PTPRN2: variants seen among roughly 807,000 people sequenced by gnomAD.
PTPRN2 encodes protein tyrosine phosphatase receptor type N2.
In PTPRN2, 74 loss-of-function variants were observed where a neutral mutation model predicts 118.8. The ratio of observed to expected loss-of-function variants is 0.62; its 90% confidence interval spans 0.52 to 0.76. The LOEUF (loss-of-function observed/expected upper bound fraction) is 0.76, where lower values mean the gene tolerates loss of function less well. Ranked by LOEUF, PTPRN2 falls within the 30% of genes least tolerant of loss-of-function variation. The probability of loss-of-function intolerance (pLI) is 0.00; values close to 1 mark genes in which losing one functional copy is unlikely to be tolerated. For synonymous variants in PTPRN2, 641 were observed against 608.0 expected, an observed-to-expected ratio of 1.05 and a Z score of -0.80; for missense variants, 1,481 against 1,394.4, an observed-to-expected ratio of 1.06 and a Z score of -0.99.
intron 12 of PTPRN2, among the ~76,000 whole-genome samples, chr7:157,698,815 T>A (rs942962785): frequency 6.6e-6 from 1 of 152,242 alleles, no homozygotes; most frequent in African/African-American, 2.4e-5. Context: ...TATTTAATAG[T>A]TGATGTTCAG....
intron 11 of PTPRN2, among the ~76,000 whole-genome samples, chr7:157,907,647 C>A (rs546850669): frequency 2.5e-4 from 34 of 138,408 alleles, no homozygotes; most frequent in African/African-American, 8.2e-4. Context: ...TCTCCCTGTC[C>A]CCTGCGTGTG....
rs1796660817 is a variant in PTPRN2, at chr7:157,676,223, C to A, written c.2001+6502G>T. On this transcript the variant is annotated intron_variant, in intron 13 of 22. Coordinates refer to ENST00000389418, the MANE Select transcript of PTPRN2 (RefSeq NM_002847.5). This position sits in a 1 kb window ranked among gnomAD's most constrained non-coding sequence, Gnocchi z 5.6. ...TTCCCTCTAGCCCAGTTCCTCCTGGCAGCCCTGCAAATGCCCACCCTCTTG... is the reference window on the plus strand; with the variant it reads ...TTCCCTCTAGCCCAGTTCCTCCTGGAAGCCCTGCAAATGCCCACCCTCTTG... Among the ~76,000 whole-genome samples the A allele has an allele frequency of 6.6e-6, 1 of 152,144 alleles. No individual in the cohort carries two copies. Among genetic ancestry groups the A allele is most frequent in the South Asian group, 2.1e-4 (1 of 4,824 alleles).
At chr7:158,262,398 GCACACACACATACATACATT>G (rs1797486202) in intron 3 of PTPRN2, among the ~76,000 whole-genome samples, 3 of 129,344 alleles carry the variant, frequency 2.3e-5, no homozygotes, top group East Asian at 2.4e-4. Context: ...CACACACACT[GCACACACACATACATACATT>G]CACACACATA....
chr7:158,183,313 T>C (rs1309735763), intron 5 of PTPRN2, among the ~76,000 whole-genome samples: 1 of 152,210 alleles, frequency 6.6e-6, no homozygotes, highest in Non-Finnish European at 1.5e-5. Flanking sequence ...ATGTGAGATA[T>C]TGTCCCAATC....
At chr7:158,559,597 G>A (rs1827247584) in intron 1 of PTPRN2, among the ~76,000 whole-genome samples, 2 of 152,304 alleles carry the variant, frequency 1.3e-5, no homozygotes, top group South Asian at 2.1e-4. Flanking sequence ...GGAGGTGACC[G>A]CGGGGATACC....
chr7:158,127,560 C>T (rs1388757872), intron 9 of PTPRN2, among the ~76,000 whole-genome samples: 1 of 152,210 alleles, frequency 6.6e-6, no homozygotes, highest in Non-Finnish European at 1.5e-5. Context: ...CTGTGGCCGC[C>T]ACCCCAGACT....
intron 12 of PTPRN2, among the ~76,000 whole-genome samples, chr7:157,879,899 GCAGA>G (rs1400804335): frequency 6.7e-6 from 1 of 149,868 alleles, no homozygotes; most frequent in Non-Finnish European, 1.5e-5. Flanking sequence ...CATCTCCTGA[GCAGA>G]CAAATATGAA....
chr7:157,622,857 C>T lies in PTPRN2; in HGVS notation c.2197-1348G>A, dbSNP rs958556365. 1.3e-5 allele frequency among the ~76,000 whole-genome samples: 2 copies of T among 152,166 alleles called. No homozygotes were observed. Among genetic ancestry groups the T allele is most frequent in the African/African-American group, 4.8e-5 (2 of 41,442 alleles). Reference sequence around the variant, plus strand: ...AGGGACTCCAGTGCCGTTGAGAAGCCGCACCGACTGCCTGCTCCACGCAGC... The same window carrying T: ...AGGGACTCCAGTGCCGTTGAGAAGCTGCACCGACTGCCTGCTCCACGCAGC... On this transcript the variant is annotated intron_variant, in intron 14 of 22. Coordinates refer to ENST00000389418, the MANE Select transcript of PTPRN2 (RefSeq NM_002847.5). This position sits in a 1 kb window ranked among gnomAD's most constrained non-coding sequence, Gnocchi z 5.3.
intron 2 of PTPRN2, among the ~76,000 whole-genome samples, chr7:158,331,140 C>A (rs1394487172): frequency 1.8e-5 from 2 of 108,704 alleles, no homozygotes; most frequent in Non-Finnish European, 3.8e-5. Context: ...GAGCTGACGC[C>A]CGCAGACGTC....
intron 9 of PTPRN2, among the ~76,000 whole-genome samples, chr7:158,126,543 G>A (rs528175903): frequency 4.8e-5 from 4 of 83,134 alleles, no homozygotes; most frequent in African/African-American, 1.9e-4. Context: ...CCCGGAGAGC[G>A]GGCGGCGGAA....
chr7:158,435,443 A>G (rs1366796961), intron 2 of PTPRN2, among the ~76,000 whole-genome samples: 1 of 152,220 alleles, frequency 6.6e-6, no homozygotes, highest in Non-Finnish European at 1.5e-5. Flanking sequence ...TCAGAAAAAA[A>G]AAAGATGAGT....
In PTPRN2 at chr7:157,690,253, C is replaced by T. The variant is rs1797407657; in HGVS notation, c.1789-7316G>A. The stretch of plus-strand genomic sequence containing the variant: ...TCCTCACAGGCCCACCCTAGACCCA[C>T]TTGGGGATGATCCCAGGCGCAGCTC... On this transcript the variant is annotated intron_variant, in intron 12 of 22. Coordinates refer to ENST00000389418, the MANE Select transcript of PTPRN2 (RefSeq NM_002847.5). The surrounding 1 kb of genome is among the most constrained non-coding windows in gnomAD (Gnocchi z 7.1). Among the ~76,000 whole-genome samples, 1 of 152,204 alleles carries T rather than the reference C, an allele frequency of 6.6e-6. No individual in the cohort carries two copies. Among genetic ancestry groups the T allele is most frequent in the African/African-American group, 2.4e-5 (1 of 41,468 alleles).
chr7:158,138,688 A>G (rs147385781), intron 6 of PTPRN2, among the ~76,000 whole-genome samples, 173 bp from the exon 7 acceptor site: 2 of 152,328 alleles, frequency 1.3e-5, no homozygotes, highest in Non-Finnish European at 1.5e-5. Flanking sequence ...TGAATCTCAA[A>G]TCCACCTGAC....
intron 12 of PTPRN2, among the ~76,000 whole-genome samples, chr7:157,812,380 T>A (rs1463705447): frequency 6.8e-6 from 1 of 148,062 alleles, no homozygotes; most frequent in African/African-American, 2.7e-5. Flanking sequence ...CCACTCCCTT[T>A]GGGGCATGAG....
intron 3 of PTPRN2, among the ~76,000 whole-genome samples, chr7:158,279,531 C>A (rs1246039371): frequency 6.6e-6 from 1 of 152,210 alleles, no homozygotes; most frequent in East Asian, 1.9e-4. Context: ...CAGAGACCCA[C>A]CATCATGGCC....
rs1198857890 is a variant in PTPRN2, at chr7:157,764,375, C to T, written c.1789-81438G>A. On this transcript the variant is annotated intron_variant, in intron 12 of 22. Transcript: ENST00000389418. The surrounding 1 kb of genome is among the most constrained non-coding windows in gnomAD (Gnocchi z 4.5). ...AGATAAACATCATGTGGTCCACCCACACATGGGAATATTACTCAGCACTGA... is the reference window on the plus strand; with the variant it reads ...AGATAAACATCATGTGGTCCACCCATACATGGGAATATTACTCAGCACTGA... 6.6e-6 allele frequency among the ~76,000 whole-genome samples: 1 copy of T among 152,214 alleles called. No homozygotes were observed. The highest frequency in any genetic ancestry group is 1.5e-5 in the Non-Finnish European group (1 of 68,048).
intron 15 of PTPRN2, among the ~76,000 whole-genome samples, chr7:157,620,930 C>T (rs551222977): frequency 3.3e-4 from 49 of 147,994 alleles, no homozygotes; most frequent in African/African-American, 8.8e-4. Flanking sequence ...CAGTTTCCCC[C>T]GCCTGTAACC....
At chr7:158,290,060 G>A (rs1016004935) in intron 3 of PTPRN2, among the ~76,000 whole-genome samples, 4 of 152,208 alleles carry the variant, frequency 2.6e-5, no homozygotes, top group African/African-American at 9.6e-5. Context: ...ACCTGAGTCT[G>A]AAGGGGCTGT....
intron 11 of PTPRN2, among the ~76,000 whole-genome samples, chr7:158,054,929 C>T (rs973172339): frequency 6.6e-6 from 1 of 152,238 alleles, no homozygotes; most frequent in South Asian, 2.1e-4. Flanking sequence ...CCAGGTGGCC[C>T]CTGCCTGCTC....
Sources: allele counts gnomAD v4.1 joint callset (sites outside exome capture counted in the v4.1 genomes callset), GRCh38; gene constraint gnomAD v4.1.1; non-coding constraint Gnocchi (gnomAD v3.1); transcripts MANE v1.5; gene names NCBI Gene and HGNC (gene_info 2026-07-23, HGNC 2026-07-21).